The following FAM20B variants were observed in gnomAD, a reference collection of about 807,000 sequenced individuals.
The protein encoded by FAM20B is glycosaminoglycan xylosylkinase.
FAM20B carries 23 observed loss-of-function variants against 43.8 expected under a neutral mutation model. The observed-to-expected ratio is 0.53, with a 90% CI of 0.38 to 0.74. The LOEUF is 0.74. FAM20B is among the 30% of genes least tolerant of loss of function. The probability of loss-of-function intolerance (pLI) is 0.00; values close to 1 mark genes in which losing one functional copy is unlikely to be tolerated. For missense variants in FAM20B, 440 were observed against 510.5 expected (o/e 0.86, Z 1.33); for synonymous variants, 178 against 192.4 (o/e 0.93, Z 0.62).
intron 7 of FAM20B, among the ~76,000 whole-genome samples, chr1:179,068,422 A>T (rs1651778703): frequency 5.9e-5 from 9 of 151,974 alleles, no homozygotes; most frequent in Admixed American, 5.9e-4. Flanking sequence ...TGATAAACAG[A>T]GGTGTTTAAT....
At chr1:179,030,086 C>T (rs556121939) in intron 1 of FAM20B, among the ~76,000 whole-genome samples, 2 of 152,218 alleles carry the variant, frequency 1.3e-5, no homozygotes, top group Admixed American at 1.3e-4. Context: ...TTTGCAGCTT[C>T]TTATCTGTGG....
rs553890966 is a variant in FAM20B, at chr1:179,069,552, A to G, written c.999-2361A>G. ...CGCCCAGCTAATTTTTTGTATTTTT[A>G]GTAGAGATAGGGTTTCAACATGTTG... On this transcript the variant is annotated intron_variant, in intron 7 of 7. Transcript: ENST00000263733. Among the ~76,000 whole-genome samples the G allele has an allele frequency of 1.2e-4, 19 of 152,066 alleles. No homozygotes were observed. The East Asian group carries it at 3.3e-3, about 26-fold the overall frequency.
intron 1 of FAM20B, among the ~76,000 whole-genome samples, chr1:179,041,115 G>T (rs183207076): frequency 7.9e-6 from 1 of 126,142 alleles, no homozygotes; most frequent in Non-Finnish European, 1.6e-5. Flanking sequence ...GGGAAGAGGC[G>T]CTCCTCACTT....
At chr1:179,067,520 C>T (rs1172625217) in intron 7 of FAM20B, among the ~76,000 whole-genome samples, 1 of 152,106 alleles carries the variant, frequency 6.6e-6, no homozygotes, top group East Asian at 1.9e-4. Flanking sequence ...AGGAGAATTG[C>T]TTGAACCTGG....
intron 2 of FAM20B, among the ~76,000 whole-genome samples, chr1:179,044,811 G>C (rs1650696710): frequency 6.6e-6 from 1 of 152,224 alleles, no homozygotes; most frequent in African/African-American, 2.4e-5. Context: ...CATTTGGATA[G>C]ATACCAGAAG....
Position 179,028,202 on chromosome 1 carries a change from T to C in FAM20B, c.-134+2104T>C, listed in dbSNP as rs531988078. The stretch of plus-strand genomic sequence containing the variant: ...CTGTTGAATTGATAACTTTTTAAAA[T>C]AGCTAACCACAGAGGTTGTCTTTTG... On this transcript the variant is annotated intron_variant, in intron 1 of 7. Coordinates refer to ENST00000263733, the MANE Select transcript of FAM20B (RefSeq NM_014864.4). Among the ~76,000 whole-genome samples the C allele has an allele frequency of 2.6e-5, 4 of 152,330 alleles. No individual in the cohort carries two copies. The Middle Eastern group carries it at 0.01, about 389-fold the overall frequency.
intron 6 of FAM20B, 21 bp from the exon 7 acceptor site, chr1:179,066,779 A>G: frequency 2.5e-6 from 4 of 1,573,364 alleles, no homozygotes; most frequent in Admixed American, 3.3e-5. Flanking sequence ...CTAATTCACT[A>G]AGTTTTAATT....
chr1:179,036,262 GTTTATGCCAGC>G (rs1650221948), intron 1 of FAM20B, among the ~76,000 whole-genome samples: 1 of 152,190 alleles, frequency 6.6e-6, no homozygotes, highest in Non-Finnish European at 1.5e-5. Flanking sequence ...CAGGCTGGGA[GTTTATGCCAGC>G]TTTTCATGTG....
chr1:179,044,336 G>A (rs1321543877), intron 2 of FAM20B, 112 bp downstream of exon 2: 1 of 1,218,686 alleles, frequency 8.2e-7, no homozygotes, highest in African/African-American at 1.5e-5. Flanking sequence ...AGTAAAATAA[G>A]AGGGGTAGAC....
chr1:179,020,857 A>C (rs1558209240), upstream of FAM20B, among the ~76,000 whole-genome samples: 1 of 152,190 alleles, frequency 6.6e-6, no homozygotes, highest in Non-Finnish European at 1.5e-5. Flanking sequence ...GATCGCTTGA[A>C]GTCAGGAGTT....
intron 7 of FAM20B, 60 bp downstream of exon 7, chr1:179,066,919 C>T (rs1572559843): frequency 5.0e-6 from 6 of 1,211,272 alleles, no homozygotes; most frequent in East Asian, 4.7e-5. Flanking sequence ...GCTCAGGTAA[C>T]AGTACATCCA....
chr1:179,072,551 C>T lies in FAM20B; in HGVS notation c.*407C>T. 8.6e-6 allele frequency: 1 copy of T among 116,254 alleles called. No homozygotes were observed. Among genetic ancestry groups the T allele is most frequent in the South Asian group, 2.0e-4 (1 of 5,126 alleles). The allele number at this position is 116,254 out of a possible 1,614,324, so 7.2% of individuals were successfully genotyped here. A position where few individuals can be genotyped will look rare whatever the true frequency, so the allele number is the denominator to read the frequency against. On this transcript the variant is annotated 3_prime_UTR_variant, in exon 8 of 8. Transcript: ENST00000263733. ...ATTTTGTGGAAACACTTTGCAATCT[C>T]TTTGTCTTTTTTTTTTTTACCAGAA...
rs1056842473 is a variant in FAM20B, at chr1:179,050,294, T to A, written c.393T>A (p.His131Gln). The A allele has an allele frequency of 6.2e-7, 1 of 1,613,404 alleles. No individual in the cohort carries two copies. The highest frequency in any genetic ancestry group is 1.3e-5 in the African/African-American group (1 of 74,904). Residue 131 changes from histidine to glutamine, a missense_variant, in exon 3 of 8, where the codon CAT becomes CAA. Transcript: ENST00000263733. ...VFKPKRYSRD[H>Q]VVEGEPYAGY... ...CACTTTGCAGGTATAGCCGAGACCATGTGGTGGAAGGGGAACCGTATGCTG... is the reference window on the plus strand; with the variant it reads ...CACTTTGCAGGTATAGCCGAGACCAAGTGGTGGAAGGGGAACCGTATGCTG...
intron 4 of FAM20B, 60 bp from the exon 5 acceptor site, chr1:179,063,867 G>A (rs545503862): frequency 1.2e-4 from 155 of 1,249,766 alleles, no homozygotes; most frequent in Non-Finnish European, 1.5e-4. Context: ...CATTATTTGG[G>A]AGAGAACTTG....
intron 4 of FAM20B, 114 bp downstream of exon 4, chr1:179,054,752 A>G: frequency 1.8e-6 from 1 of 543,788 alleles, no homozygotes; most frequent in Non-Finnish European, 3.3e-6. Flanking sequence ...AGTGGAATAC[A>G]AAAGCAAATC....
At chr1:179,063,144 G>C (rs1651545325) in intron 4 of FAM20B, among the ~76,000 whole-genome samples, 1 of 152,134 alleles carries the variant, frequency 6.6e-6, no homozygotes, top group African/African-American at 2.4e-5. Context: ...AAGCATGGTG[G>C]CATGCGCCTG....
Position 179,043,472 on chromosome 1 carries a change from G to A in FAM20B, c.-133-243G>A, listed in dbSNP as rs565167188. Among the ~76,000 whole-genome samples, 26 of 152,332 alleles carry A rather than the reference G, an allele frequency of 1.7e-4. No homozygotes were observed. The South Asian group carries it at 4.8e-3, about 28-fold the overall frequency. On this transcript the variant is annotated intron_variant, in intron 1 of 7. Coordinates refer to ENST00000263733, the MANE Select transcript of FAM20B (RefSeq NM_014864.4). ...TCCCAGCTCCTTCCAGCTCCGTGGA[G>A]TGTGCAGCCCTGGCCATGCCTCTCC... is the stretch of plus-strand genomic sequence containing the variant.
chr1:179,071,013 C>A (rs1256040197), intron 7 of FAM20B, among the ~76,000 whole-genome samples: 1 of 151,566 alleles, frequency 6.6e-6, no homozygotes, highest in East Asian at 2.0e-4. Context: ...TAATTTTTTC[C>A]GCCAGGCGCA....
intron 3 of FAM20B, among the ~76,000 whole-genome samples, chr1:179,051,128 A>C (rs1444147452): frequency 6.6e-6 from 1 of 152,096 alleles, no homozygotes; most frequent in African/African-American, 2.4e-5. Flanking sequence ...TCTTTAAAAA[A>C]AAAAAAAAAG....
Sources: gnomAD v4.1 joint callset for allele counts (sites outside exome capture counted in the v4.1 genomes callset) on GRCh38, gnomAD v4.1.1 for gene constraint, MANE v1.5 for transcripts, NCBI Gene and HGNC (gene_info 2026-07-23, HGNC 2026-07-21) for gene names.